PPFIA2: variants seen among roughly 807,000 people sequenced by gnomAD.
PPFIA2 encodes liprin-alpha-2.
Under a neutral mutation model 175.5 loss-of-function variants are expected in PPFIA2, and 46 were observed. The observed-to-expected ratio is 0.26, with a 90% CI of 0.21 to 0.34. The LOEUF (loss-of-function observed/expected upper bound fraction) is 0.34. Ranked by LOEUF, PPFIA2 falls within the 10% of genes least tolerant of loss-of-function variation. The probability of loss-of-function intolerance (pLI) is 1.00; values close to 1 mark genes in which losing one functional copy is unlikely to be tolerated. For missense variants in PPFIA2, 1,179 were observed against 1,506.1 expected (o/e 0.78, Z 3.60); for synonymous variants, 568 against 511.4 (o/e 1.11, Z -1.49).
rs182228582 is a variant in PPFIA2, at chr12:81,387,468, T to C, written c.763-3224A>G. On this transcript the variant is annotated intron_variant, in intron 8 of 32. Transcript: ENST00000549396. ...AAAGATAAAACACAGAGAAAGGAAA[T>C]GCAGGCAAATGGCAAGAAGTACTGT... Among the ~76,000 whole-genome samples, 561 of 152,086 alleles carry C rather than the reference T, an allele frequency of 3.7e-3. 1 individual carries two copies. The highest frequency in any genetic ancestry group is 0.013 in the African/African-American group (531 of 41,512).
chr12:81,353,031 G>A (rs2060295227), intron 17 of PPFIA2, 88 bp downstream of exon 17: 3 of 1,170,238 alleles, frequency 2.6e-6, no homozygotes, highest in African/African-American at 1.5e-5. Context: ...CCCAGTTAAT[G>A]CTAATGCTTC....
chr12:81,633,846 G>A (rs1034705817), intron 4 of PPFIA2, among the ~76,000 whole-genome samples: 1 of 151,990 alleles, frequency 6.6e-6, no homozygotes, highest in African/African-American at 2.4e-5. Flanking sequence ...GCAGGGGGGA[G>A]AGGAAGGTGG....
At chr12:81,636,050 T>C (rs181682319) in intron 4 of PPFIA2, among the ~76,000 whole-genome samples, 2 of 152,206 alleles carry the variant, frequency 1.3e-5, no homozygotes, top group Non-Finnish European at 2.9e-5. Context: ...CTATGTTTTT[T>C]AATCTTTTTT....
At chr12:81,572,856 G>A (rs7300354) in intron 4 of PPFIA2, among the ~76,000 whole-genome samples, 17,445 of 151,910 alleles carry the variant, frequency 0.11, 1,070 homozygotes, top group Middle Eastern at 0.18. Flanking sequence ...CAGAAAATAC[G>A]CATACAAAGA....
chr12:81,632,821 G>A (rs758640558), intron 4 of PPFIA2, among the ~76,000 whole-genome samples: 23 of 151,994 alleles, frequency 1.5e-4, no homozygotes, highest in Non-Finnish European at 2.9e-4. Context: ...GTGTCCTGAG[G>A]GGATTTACAA....
chr12:81,489,050 T>C (rs573763019), intron 4 of PPFIA2, among the ~76,000 whole-genome samples: 1 of 152,004 alleles, frequency 6.6e-6, no homozygotes, highest in East Asian at 1.9e-4. Flanking sequence ...TTGGACCAGA[T>C]ATACCATTTA....
chr12:81,362,828 C>T (rs1350110333), intron 14 of PPFIA2, 44 bp from the exon 15 acceptor site: 10 of 1,185,742 alleles, frequency 8.4e-6, no homozygotes, highest in Non-Finnish European at 1.2e-5. Flanking sequence ...GTAATATCAG[C>T]AAGCAATTAT....
intron 4 of PPFIA2, among the ~76,000 whole-genome samples, chr12:81,518,435 G>A (rs969747418): frequency 1.3e-5 from 2 of 152,040 alleles, no homozygotes; most frequent in Non-Finnish European, 2.9e-5. Flanking sequence ...ATTCTTCAAA[G>A]CTAGGAGTAC....
At chr12:81,450,004 T>G (rs1054982728) in intron 5 of PPFIA2, among the ~76,000 whole-genome samples, 5 of 152,058 alleles carry the variant, frequency 3.3e-5, no homozygotes, top group Non-Finnish European at 5.9e-5. Context: ...ATTCCATGGT[T>G]TATATGTGCC....
chr12:81,637,323 C>T lies in PPFIA2; in HGVS notation c.303+39468G>A, dbSNP rs140937408. Among the ~76,000 whole-genome samples, 131 of 139,560 alleles carry T rather than the reference C, an allele frequency of 9.4e-4. 5 individuals carry two copies. In the East Asian group the frequency reaches 0.027, roughly 29 times the overall value. 91.6% of individuals were successfully genotyped at this position (139,560 alleles called of 152,430 possible). ...TTCTCTATGTTGGTCAGGCTGGTCC[C>T]GAACTCCCAACCTCAGGTGTTCCGC... On this transcript the variant is annotated intron_variant, in intron 4 of 32. Transcript: ENST00000549396.
At chr12:81,380,070 T>G (rs555348890) in intron 9 of PPFIA2, among the ~76,000 whole-genome samples, 2 of 152,330 alleles carry the variant, frequency 1.3e-5, no homozygotes, top group Non-Finnish European at 2.9e-5. Context: ...GAGCTTATTT[T>G]TTTCTACTAA....
At chr12:81,457,699 G>A (rs1430245786) in intron 5 of PPFIA2, 66 bp downstream of exon 5, 48 of 886,564 alleles carry the variant, frequency 5.4e-5, no homozygotes, top group Non-Finnish European at 8.0e-5. Context: ...CTTCTTATAT[G>A]TGTGTTACAT....
At chr12:81,278,958 T>C (rs758208974) in intron 27 of PPFIA2, among the ~76,000 whole-genome samples, 16 of 151,948 alleles carry the variant, frequency 1.1e-4, no homozygotes, top group Non-Finnish European at 2.2e-4. Flanking sequence ...CAGAGAAAAA[T>C]GGAAAGAAAA....
chr12:81,416,300 G>A (rs2045247990), intron 7 of PPFIA2, among the ~76,000 whole-genome samples: 2 of 151,524 alleles, frequency 1.3e-5, no homozygotes, highest in Non-Finnish European at 3.0e-5. Context: ...CTGCATGAAA[G>A]CAAGACTCAA....
chr12:81,752,925 C>T (rs1245846681), intron 3 of PPFIA2, among the ~76,000 whole-genome samples: 1 of 141,322 alleles, frequency 7.1e-6, no homozygotes. Context: ...AAAAGAGGCA[C>T]AATTATGCTT....
intron 20 of PPFIA2, among the ~76,000 whole-genome samples, chr12:81,339,745 G>A (rs1444452781): frequency 1.3e-5 from 2 of 151,954 alleles, no homozygotes; most frequent in Admixed American, 6.6e-5. Flanking sequence ...TAACTATTGT[G>A]AAATTGAAGC....
At chr12:81,493,350 C>T (rs2059620541) in intron 4 of PPFIA2, among the ~76,000 whole-genome samples, 1 of 151,964 alleles carries the variant, frequency 6.6e-6, no homozygotes, top group African/African-American at 2.4e-5. Flanking sequence ...TCTTGGTACA[C>T]TTCTCAGTGT....
At chr12:81,442,186 G>C (rs2050298325) in intron 6 of PPFIA2, among the ~76,000 whole-genome samples, 1 of 152,086 alleles carries the variant, frequency 6.6e-6, no homozygotes, top group African/African-American at 2.4e-5. Context: ...ATTTAGAATA[G>C]TGGTTTACAA....
intron 14 of PPFIA2, 97 bp downstream of exon 14, chr12:81,367,011 A>C (rs1223154372): frequency 3.1e-6 from 4 of 1,275,006 alleles, no homozygotes; most frequent in East Asian, 2.9e-5. Context: ...TAGCATACTA[A>C]AATTATTTTT....
Sources: allele counts gnomAD v4.1 joint callset (sites outside exome capture counted in the v4.1 genomes callset), GRCh38; gene constraint gnomAD v4.1.1; transcripts MANE v1.5; gene names NCBI Gene and HGNC (gene_info 2026-07-23, HGNC 2026-07-21).